Variants in CFAP91 observed in about 807,000 individuals in gnomAD.
The protein encoded by CFAP91 is cilia- and flagella-associated protein 91.
Under a neutral mutation model 95.9 loss-of-function variants are expected in CFAP91, and 85 were observed. The ratio of observed to expected loss-of-function variants is 0.89; its 90% CI spans 0.74 to 1.06. The LOEUF is 1.06. Ranked by LOEUF, CFAP91 falls within the 50% of genes least tolerant of loss-of-function variation. The probability of loss-of-function intolerance (pLI) is 0.00; values close to 1 mark genes in which losing one functional copy is unlikely to be tolerated. For synonymous variants in CFAP91, 335 were observed against 327.5 expected (o/e 1.02, Z -0.25); for missense variants, 962 against 943.4 (o/e 1.02, Z -0.26).
At chr3:119,745,521 C>T (rs1405985050) in intron 14 of CFAP91, among the ~76,000 whole-genome samples, 1 of 152,172 alleles carries the variant, frequency 6.6e-6, no homozygotes, top group Non-Finnish European at 1.5e-5. Context: ...CAAACGTCTC[C>T]AGAAATTTAC....
chr3:119,733,570 C>T, intron 10 of CFAP91, 64 bp downstream of exon 10: 1 of 1,538,470 alleles, frequency 6.5e-7, no homozygotes, highest in Non-Finnish European at 8.9e-7. Context: ...ATGCTACACT[C>T]CAAAAATTGC....
intron 13 of CFAP91, among the ~76,000 whole-genome samples, chr3:119,743,243 G>A (rs982289422): frequency 2.0e-5 from 3 of 151,014 alleles, no homozygotes; most frequent in East Asian, 2.0e-4. Flanking sequence ...TCAGGCTCCC[G>A]AGTAGCTGGG....
At chr3:119,739,429 C>T in intron 12 of CFAP91, 103 bp downstream of exon 12, 3 of 993,594 alleles carry the variant, frequency 3.0e-6, no homozygotes, top group Non-Finnish European at 4.7e-6. Context: ...TTGCACCCTG[C>T]TATCCTATTC....
chr3:119,728,124 G>A (rs541973755), intron 7 of CFAP91, among the ~76,000 whole-genome samples: 2,499 of 145,254 alleles, frequency 0.017, 60 homozygotes, highest in African/African-American at 0.068. Flanking sequence ...ATAATAATAT[G>A]ATAATGATGA....
At chr3:119,721,473 C>G (rs910908357) in intron 6 of CFAP91, among the ~76,000 whole-genome samples, 1 of 152,180 alleles carries the variant, frequency 6.6e-6, no homozygotes, top group African/African-American at 2.4e-5. Context: ...GAGATCTTAG[C>G]CCAGAGTTTA....
Position 119,747,905 on chromosome 3 carries a change from A to G in CFAP91, c.2143+3A>G, listed in dbSNP as rs2054255938. ...AAAATACTTTGTCAAAGAAAAAGGT[A>G]AGCCAATGTAAATGCTTTACTTTAG... On this transcript the variant is annotated splice_donor_region_variant and intron_variant, in intron 16 of 17. Transcript: ENST00000273390. 1 of 1,604,232 alleles carries G rather than the reference A, an allele frequency of 6.2e-7. No homozygotes were observed. Among genetic ancestry groups the G allele is most frequent in the African/African-American group, 1.3e-5 (1 of 74,658 alleles).
chr3:119,747,883 A>C lies in CFAP91; in HGVS notation c.2124A>C (p.Lys708Asn), dbSNP rs1445801991. The C allele has an allele frequency of 1.2e-6, 2 of 1,612,888 alleles. No homozygotes were observed. Among genetic ancestry groups the C allele is most frequent in the African/African-American group, 1.3e-5 (1 of 74,922 alleles). ...VYSFLIPEVQ[K>N]YFVKEKVRNA... ...GTTTTCTGATCCCAGAGGTGCAAAA[A>C]TACTTTGTCAAAGAAAAAGGTAAGC... is the stretch of plus-strand genomic sequence containing the variant. Residue 708 changes from lysine (K) to asparagine (N), a missense_variant, in exon 16 of 18, where the codon AAA becomes AAC. By Grantham distance (94) the Lys-to-Asn change is moderately conservative. Transcript: ENST00000273390.
rs1221650867 is a variant in CFAP91 at position 119,765,484 on chromosome 3, A to T, written c.*434A>T. 6.6e-6 allele frequency: 1 copy of T among 152,218 alleles called. No homozygotes were observed. The highest frequency in any genetic ancestry group is 1.5e-5 in the Non-Finnish European group (1 of 68,036). The allele number at this position is 152,218 out of a possible 1,614,324, so 9.4% of individuals were successfully genotyped here. A position where few individuals can be genotyped will look rare whatever the true frequency, so the allele number is the denominator to read the frequency against. ...TCTCCTAGATATATATTCAACAGAA[A>T]TGCATGAGTATGTGCACCAACAGGC... On this transcript the variant is annotated 3_prime_UTR_variant, in exon 18 of 18. Coordinates refer to ENST00000273390, the MANE Select transcript of CFAP91 (RefSeq NM_033364.4).
chr3:119,762,833 A>G (rs183562593), intron 17 of CFAP91, among the ~76,000 whole-genome samples: 1 of 152,210 alleles, frequency 6.6e-6, no homozygotes, highest in South Asian at 2.1e-4. Flanking sequence ...AAATGGATTA[A>G]ATACTTAAGC....
At chr3:119,727,658 G>T (rs77752022) in intron 7 of CFAP91, among the ~76,000 whole-genome samples, 1 of 152,124 alleles carries the variant, frequency 6.6e-6, no homozygotes, top group Non-Finnish European at 1.5e-5. Flanking sequence ...AGGGACAAAA[G>T]ATCTTAGTTA....
chr3:119,715,487 T>C (rs1425042439), intron 5 of CFAP91, 75 bp from the exon 6 acceptor site: 3 of 1,234,922 alleles, frequency 2.4e-6, no homozygotes, highest in Non-Finnish European at 3.5e-6. Flanking sequence ...TTCGAAGATT[T>C]GTTTCTACTT....
rs1310762739 is a variant in CFAP91, at chr3:119,708,596, A to C, written c.365A>C (p.Asp122Ala). Residue 122 changes from aspartate to alanine, a missense_variant, in exon 4 of 18, where the codon GAC becomes GCC. Transcript: ENST00000273390. ...REALRQLTTTDASFQMPKEVY... is the reference protein window; with the variant it reads ...REALRQLTTTAASFQMPKEVY... ...GTTTTCTTGCTTCATTTTAGAACTG[A>C]CGCTTCTTTTCAGATGCCTAAAGAA... The C allele has an allele frequency of 1.6e-5, 26 of 1,595,158 alleles. No individual in the cohort carries two copies. The highest frequency in any genetic ancestry group is 2.2e-5 in the Non-Finnish European group (26 of 1,168,338).
At chr3:119,721,842 A>G (rs2053690724) in intron 6 of CFAP91, among the ~76,000 whole-genome samples, 1 of 152,224 alleles carries the variant, frequency 6.6e-6, no homozygotes, top group Non-Finnish European at 1.5e-5. Flanking sequence ...AAGTCAACAT[A>G]CATCAGTCGC....
At chr3:119,707,777 G>A (rs1227792532) in intron 3 of CFAP91, among the ~76,000 whole-genome samples, 1 of 140,390 alleles carries the variant, frequency 7.1e-6, no homozygotes, top group African/African-American at 2.6e-5. Flanking sequence ...ATGACAACTT[G>A]CCACCAAAGG....
rs568706791 is a variant in CFAP91 at position 119,712,771 on chromosome 3, A to G, written c.501-2791A>G. Among the ~76,000 whole-genome samples, 5 of 152,206 alleles carry G rather than the reference A, an allele frequency of 3.3e-5. No individual in the cohort carries two copies. In the East Asian group the frequency reaches 9.7e-4, roughly 29 times the overall value. On this transcript the variant is annotated intron_variant, in intron 5 of 17. Transcript: ENST00000273390. ...GGAGTCTGAGACCAGCCTGGCCAACATGATGAGACTCTGACTCTACTAAAA... is the reference window on the plus strand; with the variant it reads ...GGAGTCTGAGACCAGCCTGGCCAACGTGATGAGACTCTGACTCTACTAAAA...
intron 15 of CFAP91, chr3:119,747,522 G>A (rs2054245764): frequency 1.1e-5 from 6 of 562,786 alleles, no homozygotes; most frequent in East Asian, 2.9e-5. Flanking sequence ...ATGTGAATAC[G>A]TGTGTGCAAC....
At chr3:119,741,266 TC>T (rs972424725) in intron 13 of CFAP91, among the ~76,000 whole-genome samples, 5 of 152,204 alleles carry the variant, frequency 3.3e-5, no homozygotes, top group African/African-American at 1.2e-4. Context: ...AAGATTTTTT[TC>T]CTTCCATTTT....
At chr3:119,741,483 C>T (rs550551015) in intron 13 of CFAP91, among the ~76,000 whole-genome samples, 74 of 152,292 alleles carry the variant, frequency 4.9e-4, no homozygotes, top group African/African-American at 1.6e-3. Context: ...TGGTGACTTT[C>T]GTCATGACCT....
At chr3:119,733,077 A>G (rs538741658) in intron 9 of CFAP91, among the ~76,000 whole-genome samples, 3 of 152,320 alleles carry the variant, frequency 2.0e-5, no homozygotes, top group Admixed American at 1.3e-4. Flanking sequence ...TCATAGAATC[A>G]TTAATTTTCT....
Sources: gnomAD v4.1 joint callset for allele counts (sites outside exome capture counted in the v4.1 genomes callset) on GRCh38, gnomAD v4.1.1 for gene constraint, MANE v1.5 for transcripts, NCBI Gene and HGNC (gene_info 2026-07-23, HGNC 2026-07-21) for gene names.